The following TBC1D2B variants were observed in gnomAD, a reference collection of about 807,000 sequenced individuals.
TBC1D2B encodes TBC1 domain family, member 2B.
TBC1D2B carries 64 observed loss-of-function variants against 100.8 expected under a neutral mutation model. The ratio of observed to expected loss-of-function variants is 0.64; its 90% CI spans 0.52 to 0.78. The LOEUF (loss-of-function observed/expected upper bound fraction) is 0.78. TBC1D2B is among the 30% of genes least tolerant of loss of function. The probability of loss-of-function intolerance (pLI) is 0.00; values close to 1 mark genes in which losing one functional copy is unlikely to be tolerated. For missense variants in TBC1D2B, 1,052 were observed against 1,218.4 expected (o/e 0.86, Z 2.03); for synonymous variants, 480 against 479.7 (o/e 1.00, Z -0.01).
At chr15:78,074,866 T>C (rs1472269082) in intron 1 of TBC1D2B, among the ~76,000 whole-genome samples, 1 of 152,254 alleles carries the variant, frequency 6.6e-6, no homozygotes, top group Admixed American at 6.5e-5. Context: ...TGTTTACTAC[T>C]GCATAATATT....
At chr15:78,048,702 C>G (rs926794681) in intron 2 of TBC1D2B, among the ~76,000 whole-genome samples, 1 of 152,224 alleles carries the variant, frequency 6.6e-6, no homozygotes, top group Non-Finnish European at 1.5e-5. Flanking sequence ...TCCAAGAGCC[C>G]TTCCCACTTA....
At chr15:78,061,745 A>G (rs1291848995) in intron 1 of TBC1D2B, among the ~76,000 whole-genome samples, 1 of 151,682 alleles carries the variant, frequency 6.6e-6, no homozygotes, top group Non-Finnish European at 1.5e-5. Flanking sequence ...AAAAACCATT[A>G]AATGAATGAA....
At chr15:78,057,536 C>T (rs573205568) in intron 1 of TBC1D2B, among the ~76,000 whole-genome samples, 203 of 152,182 alleles carry the variant, frequency 1.3e-3, no homozygotes, top group African/African-American at 4.6e-3. Flanking sequence ...ATCCCAGCTA[C>T]TTGGGAGGCT....
intron 1 of TBC1D2B, among the ~76,000 whole-genome samples, chr15:78,071,590 C>G (rs138747341): frequency 0.015 from 2,235 of 152,270 alleles, 16 homozygotes; most frequent in Middle Eastern, 0.065. Context: ...GTCATAACCC[C>G]CTTTTGGATT....
chr15:77,996,942 C>G lies in TBC1D2B; in HGVS notation c.*1218G>C, dbSNP rs1238393007. 2 of 152,240 alleles carry G rather than the reference C, an allele frequency of 1.3e-5. No homozygotes were observed. The highest frequency in any genetic ancestry group is 2.4e-5 in the African/African-American group (1 of 41,454). 9.4% of individuals were successfully genotyped at this position (152,240 alleles called of 1,614,324 possible). On this transcript the variant is annotated 3_prime_UTR_variant, in exon 13 of 13. Coordinates refer to ENST00000300584, the MANE Select transcript of TBC1D2B (RefSeq NM_144572.2). Reference sequence around the variant, plus strand: ...CTCCTTGCTCAAAGCCTCTCCCCAGCCTTCAGAAAGGCAGTCCTCTGAGTT... The same window carrying G: ...CTCCTTGCTCAAAGCCTCTCCCCAGGCTTCAGAAAGGCAGTCCTCTGAGTT...
intron 1 of TBC1D2B, among the ~76,000 whole-genome samples, chr15:78,061,798 C>T (rs995624037): frequency 6.6e-6 from 1 of 150,830 alleles, no homozygotes; most frequent in African/African-American, 2.4e-5. Flanking sequence ...AAAAAAAAAG[C>T]CTGTATAATT....
At chr15:78,070,314 C>G (rs1028519549) in intron 1 of TBC1D2B, among the ~76,000 whole-genome samples, 9 of 151,908 alleles carry the variant, frequency 5.9e-5, no homozygotes, top group African/African-American at 2.2e-4. Context: ...GTCGCTTCTT[C>G]AGGAAAGTCT....
In TBC1D2B at chr15:78,030,139, C is replaced by G. The variant is rs1269675416; in HGVS notation, c.715G>C (p.Gly239Arg). 4 of 1,613,126 alleles carry G rather than the reference C, an allele frequency of 2.5e-6. No individual in the cohort carries two copies. The highest frequency in any genetic ancestry group is 1.7e-6 in the Non-Finnish European group (2 of 1,179,572). ...NSMSSFRPGR[G>R]HNDSRRTVFY... is the part of the protein sequence containing the mutation. ...ACAGTCCTCCGACTATCATTATGTC[C>G]TCTCCCAGGACGGAAAGAAGACATC... The change falls in exon 4 of 13, where the codon GGA becomes CGA. Residue 239 changes from glycine to arginine, a missense_variant. By Grantham distance (125) the Gly-to-Arg change is moderately radical. Around this residue, in one of 4 missense-constraint regions of TBC1D2B, gnomAD observed 627 missense variants for 646.1 expected, o/e 0.97. Transcript: ENST00000300584.
At chr15:78,038,057 G>A (rs1344529482) in intron 3 of TBC1D2B, among the ~76,000 whole-genome samples, 2 of 152,096 alleles carry the variant, frequency 1.3e-5, no homozygotes, top group Non-Finnish European at 2.9e-5. Flanking sequence ...GAGTATAAAG[G>A]GCAGAGGATG....
chr15:78,072,752 C>T (rs2073760372), intron 1 of TBC1D2B, among the ~76,000 whole-genome samples: 1 of 152,228 alleles, frequency 6.6e-6, no homozygotes, highest in Non-Finnish European at 1.5e-5. Context: ...GTTTAAGCTT[C>T]ACCCTCGGTC....
At chr15:78,060,251 C>T (rs2073514867) in intron 1 of TBC1D2B, among the ~76,000 whole-genome samples, 1 of 152,176 alleles carries the variant, frequency 6.6e-6, no homozygotes, top group South Asian at 2.1e-4. Context: ...CTGAGATATT[C>T]ACCGCAAGCA....
At chr15:78,030,948 A>G (rs1280209536) in intron 3 of TBC1D2B, among the ~76,000 whole-genome samples, 1 of 152,262 alleles carries the variant, frequency 6.6e-6, no homozygotes, top group Non-Finnish European at 1.5e-5. Flanking sequence ...GCCAGGCAAT[A>G]TTCTAGATGC....
chr15:78,074,567 A>G (rs1279998961), intron 1 of TBC1D2B, among the ~76,000 whole-genome samples: 2 of 152,212 alleles, frequency 1.3e-5, no homozygotes, highest in Non-Finnish European at 2.9e-5. Flanking sequence ...TCCAAGAAAT[A>G]AAACACTGCA....
At chr15:78,014,300 C>A (rs1255809214) in intron 8 of TBC1D2B, among the ~76,000 whole-genome samples, 1 of 152,136 alleles carries the variant, frequency 6.6e-6, no homozygotes, top group Non-Finnish European at 1.5e-5. Flanking sequence ...TTTGTTGTAC[C>A]AGTAAAAGAA....
intron 1 of TBC1D2B, among the ~76,000 whole-genome samples, chr15:78,075,285 TC>T (rs1596334284): frequency 6.6e-6 from 1 of 151,888 alleles, no homozygotes; most frequent in South Asian, 2.1e-4. Flanking sequence ...TGCAAGCTCT[TC>T]CTCCCGGGTT....
Position 77,998,491 on chromosome 15 carries a change from G to T in TBC1D2B, c.2697-136C>A, listed in dbSNP as rs147565565. ...GCCAGGCTTGGGGCCTGATGTAGGGGATGAGGCCCACCTTCTGTAGAGAGG... is the reference window on the plus strand; with the variant it reads ...GCCAGGCTTGGGGCCTGATGTAGGGTATGAGGCCCACCTTCTGTAGAGAGG... On this transcript the variant is annotated intron_variant, in intron 12 of 12. Coordinates refer to ENST00000300584, the MANE Select transcript of TBC1D2B (RefSeq NM_144572.2). 8.6e-4 allele frequency: 629 copies of T among 727,608 alleles called. 6 individuals are homozygous for T. In the East Asian group the frequency reaches 0.01, roughly 12 times the overall value. 45.1% of individuals were successfully genotyped at this position (727,608 alleles called of 1,614,324 possible).
chr15:78,033,767 G>A (rs2072877083), intron 3 of TBC1D2B, among the ~76,000 whole-genome samples: 1 of 152,098 alleles, frequency 6.6e-6, no homozygotes, highest in Non-Finnish European at 1.5e-5. Context: ...GGGAAAAGGT[G>A]GCTTTACCTC....
At chr15:78,061,903 A>T (rs970645581) in intron 1 of TBC1D2B, among the ~76,000 whole-genome samples, 3 of 152,232 alleles carry the variant, frequency 2.0e-5, no homozygotes, top group African/African-American at 4.8e-5. Flanking sequence ...CAGGACTTAA[A>T]TCAAGCAATG....
chr15:78,054,286 G>C (rs1415375460), intron 1 of TBC1D2B, 99 bp from the exon 2 acceptor site: 5 of 1,233,644 alleles, frequency 4.1e-6, no homozygotes, highest in Non-Finnish European at 5.4e-6. Context: ...CTTGCCATGT[G>C]AGAGTTAAGA....
Sources: gnomAD v4.1 joint callset for allele counts (sites outside exome capture counted in the v4.1 genomes callset) on GRCh38, gnomAD v4.1.1 for gene constraint, gnomAD v4.1.1 regional missense constraint, MANE v1.5 for transcripts, NCBI Gene and HGNC (gene_info 2026-07-23, HGNC 2026-07-21) for gene names.